INTS6: variants seen among roughly 807,000 people sequenced by gnomAD.
INTS6 encodes the protein DEAD box protein.
Under a neutral mutation model 104.9 loss-of-function variants are expected in INTS6, and 16 were observed. That is an observed-to-expected ratio of 0.15 (90% CI 0.10 to 0.23). The LOEUF (loss-of-function observed/expected upper bound fraction) is 0.23, where lower values mean the gene tolerates loss of function less well. INTS6 is among the 10% of genes least tolerant of loss of function. INTS6 has a pLI of 1.00. For missense variants in INTS6, 584 were observed against 1,062.8 expected (o/e 0.55, Z 6.26); for synonymous variants, 324 against 358.7 (o/e 0.90, Z 1.09).
chr13:51,450,604 C>T (rs574270011), intron 3 of INTS6: 556 of 985,804 alleles, frequency 5.6e-4, no homozygotes, highest in Non-Finnish European at 6.5e-4. Flanking sequence ...CACATTAAAC[C>T]CTGATGCAAC....
intron 4 of INTS6, among the ~76,000 whole-genome samples, chr13:51,396,319 TACC>T (rs1258617075): frequency 3.3e-5 from 5 of 152,246 alleles, no homozygotes; most frequent in Non-Finnish European, 5.9e-5. Context: ...TAGTGATTCT[TACC>T]ACATCTGAGT....
intron 5 of INTS6, among the ~76,000 whole-genome samples, chr13:51,392,545 G>C (rs1012800246): frequency 2.0e-5 from 3 of 152,172 alleles, no homozygotes; most frequent in African/African-American, 7.2e-5. Context: ...AATATATAGA[G>C]AGCATGTCCC....
rs913888594 is a variant in INTS6, at chr13:51,452,644, A to G, written c.-119T>C. On this transcript the variant is annotated 5_prime_UTR_variant, in exon 1 of 18. Transcript: ENST00000311234. This position sits in a 1 kb window ranked among gnomAD's most constrained non-coding sequence, Gnocchi z 4.2. ...GCGGGGGAGCACGGCCCCCGGGAGGAAAACACTGTCTGGGTCTTTCCTCCG... is the reference window on the plus strand; with the variant it reads ...GCGGGGGAGCACGGCCCCCGGGAGGGAAACACTGTCTGGGTCTTTCCTCCG... 2.7e-6 allele frequency: 4 copies of G among 1,498,558 alleles called. No homozygotes were observed. Among genetic ancestry groups the G allele is most frequent in the Non-Finnish European group, 3.6e-6 (4 of 1,122,894 alleles). 92.8% of individuals were successfully genotyped at this position (1,498,558 alleles called of 1,614,324 possible).
At chr13:51,378,987 A>G (rs1955991664) in intron 11 of INTS6, among the ~76,000 whole-genome samples, 1 of 152,072 alleles carries the variant, frequency 6.6e-6, no homozygotes, top group East Asian at 1.9e-4. Flanking sequence ...TAATAATTTC[A>G]CAGTCAGTTA....
At chr13:51,390,363 TTG>T (rs1956224143) in intron 5 of INTS6, among the ~76,000 whole-genome samples, 8 of 151,982 alleles carry the variant, frequency 5.3e-5, no homozygotes, top group Admixed American at 5.2e-4. Context: ...TAAGGATATA[TTG>T]ATTTAAATAA....
At chr13:51,447,733 G>GAAAAAAAA (rs940260743) in intron 3 of INTS6, 8 of 55,468 alleles carry the variant, frequency 1.4e-4, no homozygotes, top group African/African-American at 2.9e-4. Context: ...ATAATTTACT[G>GAAAAAAAA]AAAAAAAAAA....
the INTS6 span, among the ~76,000 whole-genome samples, chr13:51,334,562 T>C: frequency 1.3e-5 from 2 of 152,324 alleles, no homozygotes; most frequent in East Asian, 3.9e-4. Context: ...CCCATTTTAG[T>C]TGGATTTTTT....
intron 7 of INTS6, chr13:51,384,655 C>A (rs755304903): frequency 2.2e-6 from 1 of 456,624 alleles, no homozygotes; most frequent in East Asian, 7.0e-5. Flanking sequence ...AAAACCTAGC[C>A]GTTATTCTTG....
Position 51,363,181 on chromosome 13 carries a change from T to TA in INTS6, c.*2570dup, listed in dbSNP as rs755389697. 1.3e-5 allele frequency: 2 copies of TA among 151,906 alleles called. No individual in the cohort carries two copies. The highest frequency in any genetic ancestry group is 4.8e-5 in the African/African-American group (2 of 41,398). The allele number at this position is 151,906 out of a possible 1,614,324, so 9.4% of individuals were successfully genotyped here. On this transcript the variant is annotated 3_prime_UTR_variant, in exon 18 of 18. Transcript: ENST00000311234. ...ATTCTGATTTTGGAATTCAAGTGCA[T>TA]AAAAATGATGTAAAATCCTTAAACA...
chr13:51,427,727 A>G (rs1190386518), intron 4 of INTS6, among the ~76,000 whole-genome samples: 3 of 152,294 alleles, frequency 2.0e-5, no homozygotes, highest in African/African-American at 7.2e-5. Flanking sequence ...ACGGTAATCA[A>G]TTTTGAACTC....
At chr13:51,431,971 A>G (rs1019098997) in intron 3 of INTS6, among the ~76,000 whole-genome samples, 5 of 152,246 alleles carry the variant, frequency 3.3e-5, no homozygotes, top group African/African-American at 1.2e-4. Flanking sequence ...CCCAAAATAT[A>G]TAATAAATTC....
At chr13:51,414,075 T>C (rs1315019352) in intron 4 of INTS6, among the ~76,000 whole-genome samples, 1 of 152,218 alleles carries the variant, frequency 6.6e-6, no homozygotes, top group Non-Finnish European at 1.5e-5. Context: ...ACGTCATTTA[T>C]GTTTTAGGTC....
chr13:51,430,278 T>TATA lies in INTS6; in HGVS notation c.429+13_429+15dup. 1 of 1,605,420 alleles carries TATA rather than the reference T, an allele frequency of 6.2e-7. No individual in the cohort carries two copies. Among genetic ancestry groups the TATA allele is most frequent in the Non-Finnish European group, 8.5e-7 (1 of 1,172,932 alleles). The stretch of plus-strand genomic sequence containing the variant: ...AACTGCATTTGCATAATCCATGTAA[T>TATA]ATAAGCACAACTTACCTCATCCTGG... On this transcript the variant is annotated intron_variant, in intron 4 of 17. Coordinates refer to ENST00000311234, the MANE Select transcript of INTS6 (RefSeq NM_012141.3).
chr13:51,358,861 C>T (rs368779444), downstream of INTS6, among the ~76,000 whole-genome samples: 1 of 151,954 alleles, frequency 6.6e-6, no homozygotes, highest in East Asian at 1.9e-4. Context: ...TTATGGTGGG[C>T]TACAGTTTCC....
chr13:51,355,379 G>C (rs74084806), intron 3 of INTS6, among the ~76,000 whole-genome samples: 3,184 of 152,128 alleles, frequency 0.021, 130 homozygotes, highest in African/African-American at 0.073. Flanking sequence ...TTCACCATGG[G>C]GTCAATGTCC....
chr13:51,406,442 CCT>C (rs67947489), intron 4 of INTS6, among the ~76,000 whole-genome samples: 17,839 of 151,834 alleles, frequency 0.12, 1,295 homozygotes, highest in South Asian at 0.21. Context: ...CCACCTCCTC[CCT>C]GTTTCTTACG....
chr13:51,432,835 G>C (rs1031008518), intron 3 of INTS6, among the ~76,000 whole-genome samples: 2 of 152,124 alleles, frequency 1.3e-5, no homozygotes, highest in Non-Finnish European at 2.9e-5. Flanking sequence ...GCCATTCAAA[G>C]ATTTGAGTGG....
rs1271688291 is a variant in INTS6 at position 51,362,778 on chromosome 13, A to G, written c.*2974T>C. On this transcript the variant is annotated 3_prime_UTR_variant, in exon 18 of 18. Coordinates refer to ENST00000311234, the MANE Select transcript of INTS6 (RefSeq NM_012141.3). Reference sequence around the variant, plus strand: ...AAGGAAATACTGTCAACATCATTTTATCTGAGAATCATTTGCATCCTGCTG... The same window carrying G: ...AAGGAAATACTGTCAACATCATTTTGTCTGAGAATCATTTGCATCCTGCTG... 1 of 152,476 alleles carries G rather than the reference A, an allele frequency of 6.6e-6. No individual in the cohort carries two copies. Among genetic ancestry groups the G allele is most frequent in the African/African-American group, 2.4e-5 (1 of 41,450 alleles). 9.4% of individuals were successfully genotyped at this position (152,476 alleles called of 1,614,324 possible). A position where few individuals can be genotyped will look rare whatever the true frequency, so the allele number is the denominator to read the frequency against.
chr13:51,400,726 T>C (rs1184876689), intron 4 of INTS6, among the ~76,000 whole-genome samples: 1 of 152,226 alleles, frequency 6.6e-6, no homozygotes, highest in African/African-American at 2.4e-5. Context: ...ATGTTTAGAA[T>C]AGTTTTAGAT....
Sources: gnomAD v4.1 joint callset for allele counts (sites outside exome capture counted in the v4.1 genomes callset) on GRCh38, gnomAD v4.1.1 for gene constraint, Gnocchi (gnomAD v3.1) non-coding constraint, MANE v1.5 for transcripts, NCBI Gene and HGNC (gene_info 2026-07-23, HGNC 2026-07-21) for gene names.